ZNF536: variants seen among roughly 807,000 people sequenced by gnomAD.
The protein encoded by ZNF536 is zinc finger protein 536.
A neutral mutation model predicts 84.5 loss-of-function variants in ZNF536; 13 were observed. The ratio of observed to expected loss-of-function variants is 0.15; its 90% CI spans 0.10 to 0.24. The LOEUF (loss-of-function observed/expected upper bound fraction) is 0.24, where lower values mean the gene tolerates loss of function less well. Among genes scored for constraint, ZNF536 ranks in the 10% least tolerant of loss-of-function variants. The pLI is 1.00. For synonymous variants in ZNF536, 811 were observed against 742.5 expected (o/e 1.09, Z -1.50); for missense variants, 1,536 against 1,747.5 (o/e 0.88, Z 2.16).
At chr19:30,448,535 C>T (rs2052456299) in intron 2 of ZNF536, among the ~76,000 whole-genome samples, 2 of 152,172 alleles carry the variant, frequency 1.3e-5, no homozygotes, top group Non-Finnish European at 2.9e-5. Context: ...CACGGTTTTA[C>T]AAATTTCTCA....
chr19:30,375,682 G>C (rs1457242176), intron 1 of ZNF536, among the ~76,000 whole-genome samples: 1 of 152,260 alleles, frequency 6.6e-6, no homozygotes, highest in African/African-American at 2.4e-5. Flanking sequence ...AGATGGGCGA[G>C]TGCAGGCTGG....
intron 2 of ZNF536, among the ~76,000 whole-genome samples, chr19:30,338,333 T>C (rs755023930): frequency 1.2e-4 from 18 of 151,682 alleles, no homozygotes; most frequent in Non-Finnish European, 1.8e-4. Flanking sequence ...ATGATGACAA[T>C]GTTGATAGTA....
chr19:30,427,625 A>G (rs2051273126), intron 1 of ZNF536, among the ~76,000 whole-genome samples: 1 of 152,112 alleles, frequency 6.6e-6, no homozygotes, highest in African/African-American at 2.4e-5. Flanking sequence ...GGGGTCATGT[A>G]GAAAGCACAC....
At chr19:30,344,136 C>A (rs1268529166) in intron 2 of ZNF536, among the ~76,000 whole-genome samples, 1 of 151,254 alleles carries the variant, frequency 6.6e-6, no homozygotes, top group African/African-American at 2.4e-5. Context: ...ACCCCTAGGG[C>A]CTGCCCCCAG....
At chr19:30,314,951 G>A (rs1341161537) in intron 2 of ZNF536, among the ~76,000 whole-genome samples, 1 of 152,156 alleles carries the variant, frequency 6.6e-6, no homozygotes, top group East Asian at 1.9e-4. Flanking sequence ...GCAGGCCTTG[G>A]CCTAAATGGC....
intron 2 of ZNF536, among the ~76,000 whole-genome samples, chr19:30,488,559 TTTAA>T (rs568743218): frequency 8.0e-4 from 111 of 139,142 alleles, no homozygotes; most frequent in Non-Finnish European, 1.4e-3. Flanking sequence ...TAGCTATTTT[TTTAA>T]TTAAAAAAAA....
chr19:30,390,423 G>A (rs1048018994), intron 1 of ZNF536, among the ~76,000 whole-genome samples: 2 of 152,118 alleles, frequency 1.3e-5, no homozygotes, highest in Non-Finnish European at 2.9e-5. Context: ...AGGGTGGCAG[G>A]CAGCTGCAGG....
intron 2 of ZNF536, among the ~76,000 whole-genome samples, chr19:30,294,775 T>G (rs968817304): frequency 6.6e-6 from 1 of 152,136 alleles, no homozygotes; most frequent in African/African-American, 2.4e-5. Flanking sequence ...TCCTGCTTCC[T>G]TAGGTGGGGC....
chr19:30,472,389 T>A (rs1330259071), intron 2 of ZNF536, among the ~76,000 whole-genome samples: 1 of 152,206 alleles, frequency 6.6e-6, no homozygotes, highest in African/African-American at 2.4e-5. Context: ...TCACTAACGA[T>A]GCCCGGTATC....
At chr19:30,619,438 G>C (rs1431407871) in intron 1 of ZNF536, among the ~76,000 whole-genome samples, 1 of 152,168 alleles carries the variant, frequency 6.6e-6, no homozygotes, top group African/African-American at 2.4e-5. Context: ...CCAAGCAGCA[G>C]ACCAAGGTCC....
chr19:30,514,760 C>G (rs1460525797), intron 2 of ZNF536, among the ~76,000 whole-genome samples: 1 of 152,080 alleles, frequency 6.6e-6, no homozygotes, highest in Admixed American at 6.6e-5. Flanking sequence ...TCTTCTCATC[C>G]CTTCATCTCC....
chr19:30,495,560 T>A (rs532435699), intron 2 of ZNF536, among the ~76,000 whole-genome samples: 1 of 152,288 alleles, frequency 6.6e-6, no homozygotes, highest in Non-Finnish European at 1.5e-5. Context: ...AATCATCTGA[T>A]GGAGAGATAG....
intron 1 of ZNF536, among the ~76,000 whole-genome samples, chr19:30,600,122 CTCG>C (rs1258248417): frequency 7.2e-3 from 2 of 278 alleles, no homozygotes; most frequent in Non-Finnish European, 0.015. Flanking sequence ...CAGAGTTTCT[CTCG>C]TCTGTTGCCC....
chr19:30,713,267 G>A (rs1438755476), exon 2 of ZNF536: 1 of 152,152 alleles, frequency 6.6e-6, no homozygotes, highest in African/African-American at 2.4e-5. Context: ...AATGTCATCA[G>A]GTTCTCATAT....
At chr19:30,661,566 C>T (rs1276455076) in intron 1 of ZNF536, among the ~76,000 whole-genome samples, 1 of 152,200 alleles carries the variant, frequency 6.6e-6, no homozygotes, top group Non-Finnish European at 1.5e-5. Context: ...CCCAGCAATT[C>T]TACTTATTGG....
chr19:30,571,482 CA>C (rs1312985898), intron 1 of ZNF536, among the ~76,000 whole-genome samples: 1 of 152,174 alleles, frequency 6.6e-6, no homozygotes, highest in Non-Finnish European at 1.5e-5. Context: ...CTTCATTGAA[CA>C]AAGATGTAAA....
intron 1 of ZNF536, among the ~76,000 whole-genome samples, chr19:30,614,828 TGA>T (rs1276600524): frequency 1.3e-5 from 2 of 151,390 alleles, no homozygotes; most frequent in Non-Finnish European, 2.9e-5. Context: ...TTTATCATAG[TGA>T]GGTTTTAGGA....
At chr19:30,704,885 A>T (rs914903475) in intron 1 of ZNF536, among the ~76,000 whole-genome samples, 2 of 149,922 alleles carry the variant, frequency 1.3e-5, no homozygotes, top group African/African-American at 4.9e-5. Context: ...TGTCAGAAAT[A>T]TGTGAAATCC....
At chr19:30,419,803 T>C (rs1189519523) in intron 1 of ZNF536, among the ~76,000 whole-genome samples, 1 of 152,112 alleles carries the variant, frequency 6.6e-6, no homozygotes, top group Non-Finnish European at 1.5e-5. Context: ...ACCATGGCTC[T>C]CCCCATCCAG....
Sources: gnomAD v4.1 joint callset for allele counts (sites outside exome capture counted in the v4.1 genomes callset) on GRCh38, gnomAD v4.1.1 for gene constraint, MANE v1.5 for transcripts, NCBI Gene and HGNC (gene_info 2026-07-23, HGNC 2026-07-21) for gene names.